PRPSAP1: variants seen among roughly 807,000 people sequenced by gnomAD.
PRPSAP1 encodes the protein phosphoribosyl pyrophosphate synthase-associated protein 1.
A neutral mutation model predicts 39.4 loss-of-function variants in PRPSAP1; 31 were observed. The observed-to-expected ratio is 0.79, with a 90% CI of 0.59 to 1.06. The LOEUF (loss-of-function observed/expected upper bound fraction) is 1.06, where lower values mean the gene tolerates loss of function less well. PRPSAP1 is among the 50% of genes least tolerant of loss of function. The pLI, the probability that PRPSAP1 is intolerant of heterozygous loss-of-function variation, is 0.00. For synonymous variants in PRPSAP1, 212 were observed against 192.6 expected, an observed-to-expected ratio of 1.10 and a Z score of -0.83; for missense variants, 430 against 511.6, an observed-to-expected ratio of 0.84 and a Z score of 1.54.
chr17:76,339,004 G>A (rs1427625630), intron 3 of PRPSAP1, among the ~76,000 whole-genome samples: 1 of 151,674 alleles, frequency 6.6e-6, no homozygotes, highest in African/African-American at 2.4e-5. Context: ...CTGCACTCCA[G>A]CCTGGGCAAC....
intron 3 of PRPSAP1, among the ~76,000 whole-genome samples, chr17:76,340,866 C>T (rs1037304673): frequency 1.4e-5 from 2 of 147,958 alleles, no homozygotes; most frequent in South Asian, 2.2e-4. Context: ...CGCGCCATTG[C>T]ACTCCAGCCT....
chr17:76,341,609 A>G (rs773752336), intron 3 of PRPSAP1, among the ~76,000 whole-genome samples: 8 of 152,206 alleles, frequency 5.3e-5, no homozygotes, highest in Non-Finnish European at 1.2e-4. Context: ...CAATTAGGGT[A>G]GTAAAGAGAC....
rs562842539 is a variant in PRPSAP1 at position 76,351,267 on chromosome 17, A to G, written c.170+2267T>C. Among the ~76,000 whole-genome samples the G allele has an allele frequency of 1.9e-4, 29 of 152,114 alleles. No individual in the cohort carries two copies. The South Asian group carries it at 3.5e-3, about 18-fold the overall frequency. ...CGCGGTGGCTCACGCCTGTAATCCC[A>G]GCACTTTGGGAGGCCGAGGCGAGTG... On this transcript the variant is annotated intron_variant, in intron 1 of 9. Coordinates refer to ENST00000446526, the MANE Select transcript of PRPSAP1 (RefSeq NM_002766.3).
At chr17:76,350,821 T>C (rs1307677594) in intron 1 of PRPSAP1, among the ~76,000 whole-genome samples, 2 of 152,162 alleles carry the variant, frequency 1.3e-5, no homozygotes, top group African/African-American at 4.8e-5. Context: ...TCACCTGAAG[T>C]TGGGAGTTTG....
rs1598513851 is a variant in PRPSAP1 at position 76,311,782 on chromosome 17, T to C, written c.1000-82A>G. 13 of 1,464,338 alleles carry C rather than the reference T, an allele frequency of 8.9e-6. No homozygotes were observed. The East Asian group carries it at 2.2e-4, about 25-fold the overall frequency. The allele number at this position is 1,464,338 out of a possible 1,614,324, so 90.7% of individuals were successfully genotyped here. On this transcript the variant is annotated intron_variant, in intron 9 of 9. Coordinates refer to ENST00000446526, the MANE Select transcript of PRPSAP1 (RefSeq NM_002766.3). ...GTTACACAGAAAAGCTTATCTAACA[T>C]TGAGTTCCCACAGCCTAAGTTCCAA...
At chr17:76,344,623 A>G in intron 3 of PRPSAP1, 48 bp downstream of exon 3, 1 of 1,345,962 alleles carries the variant, frequency 7.4e-7, no homozygotes, top group Non-Finnish European at 1.0e-6. Context: ...AATCAATTAT[A>G]TTGTTAAGGT....
At chr17:76,347,484 CAAAAAAAAAAAA>C (rs71161289) in intron 2 of PRPSAP1, among the ~76,000 whole-genome samples, 8 of 25,220 alleles carry the variant, frequency 3.2e-4, no homozygotes, top group Admixed American at 6.5e-4. Flanking sequence ...AAGACTCCGT[CAAAAAAAAAAAA>C]AAAAAAAAAA....
rs190465396 is a variant in PRPSAP1 at position 76,317,478 on chromosome 17, C to T, written c.782-3587G>A. Among the ~76,000 whole-genome samples the T allele has an allele frequency of 1.7e-3, 260 of 152,142 alleles. 1 individual carries two copies. Among genetic ancestry groups the T allele is most frequent in the African/African-American group, 6.1e-3 (253 of 41,520 alleles). On this transcript the variant is annotated intron_variant, in intron 7 of 9. Coordinates refer to ENST00000446526, the MANE Select transcript of PRPSAP1 (RefSeq NM_002766.3). ...GGTGGAGGATGCAGTGGGCTGAGAT[C>T]GCCCACTGCACTCTAGCCTGGGTGA...
intron 1 of PRPSAP1, among the ~76,000 whole-genome samples, chr17:76,352,785 T>G (rs2071592992): frequency 6.6e-6 from 1 of 152,040 alleles, no homozygotes; most frequent in Admixed American, 6.6e-5. Context: ...TCATACAATA[T>G]TCTCAACCAT....
chr17:76,339,957 C>G (rs566354923), intron 3 of PRPSAP1, among the ~76,000 whole-genome samples: 1 of 151,224 alleles, frequency 6.6e-6, no homozygotes, highest in Non-Finnish European at 1.5e-5. Context: ...CATGGCAAAA[C>G]CCTGTCTCTA....
At chr17:76,335,386 G>A (rs1278709990) in intron 3 of PRPSAP1, among the ~76,000 whole-genome samples, 18 of 151,848 alleles carry the variant, frequency 1.2e-4, no homozygotes, top group Admixed American at 1.2e-3. Context: ...ATGGAAATTC[G>A]TTTTTGTCAC....
Position 76,311,403 on chromosome 17 carries a change from C to T in PRPSAP1, c.*139G>A, listed in dbSNP as rs1480234340. Reference sequence around the variant, plus strand: ...CTTCCTGACTCTTTTAATCCCTCCTCCCCATCAATCCGGGCAAAAGAAGAT... The same window carrying T: ...CTTCCTGACTCTTTTAATCCCTCCTTCCCATCAATCCGGGCAAAAGAAGAT... On this transcript the variant is annotated 3_prime_UTR_variant, in exon 10 of 10. Coordinates refer to ENST00000446526, the MANE Select transcript of PRPSAP1 (RefSeq NM_002766.3). 7 of 896,384 alleles carry T rather than the reference C, an allele frequency of 7.8e-6. No homozygotes were observed. The highest frequency in any genetic ancestry group is 6.3e-5 in the Admixed American group (2 of 31,850). The allele number at this position is 896,384 out of a possible 1,614,324, so 55.5% of individuals were successfully genotyped here.
In PRPSAP1 at chr17:76,333,205, G is replaced by C. The variant is rs1218301461; in HGVS notation, c.291-770C>G. ...AGTTCACTGCAACCTCCGCCTCCCA[G>C]GTTCAGGCAATTCTCCTGGCTCATC... On this transcript the variant is annotated intron_variant, in intron 3 of 9. Coordinates refer to ENST00000446526, the MANE Select transcript of PRPSAP1 (RefSeq NM_002766.3). Among the ~76,000 whole-genome samples the C allele has an allele frequency of 2.0e-5, 3 of 152,156 alleles. No individual in the cohort carries two copies. In the East Asian group the frequency reaches 5.8e-4, roughly 30 times the overall value.
chr17:76,333,679 A>C (rs577977950), intron 3 of PRPSAP1, among the ~76,000 whole-genome samples: 2 of 150,508 alleles, frequency 1.3e-5, no homozygotes, highest in South Asian at 4.2e-4. Flanking sequence ...ACAAAAAAAA[A>C]CCTCCCTGGA....
At chr17:76,335,418 C>T (rs914796916) in intron 3 of PRPSAP1, among the ~76,000 whole-genome samples, 6 of 151,982 alleles carry the variant, frequency 3.9e-5, no homozygotes, top group Non-Finnish European at 8.8e-5. Flanking sequence ...TGTAATGGTG[C>T]GATCTCAGCT....
chr17:76,315,247 G>C (rs548807562), intron 7 of PRPSAP1, among the ~76,000 whole-genome samples: 5 of 152,288 alleles, frequency 3.3e-5, no homozygotes, highest in Admixed American at 3.3e-4. Flanking sequence ...AAACAGAGAA[G>C]AAAAACAAAG....
Position 76,312,879 on chromosome 17 carries a change from G to T in PRPSAP1, c.990C>A (p.Ser330=). The T allele has an allele frequency of 6.2e-7, 1 of 1,612,772 alleles. No homozygotes were observed. Among genetic ancestry groups the T allele is most frequent in the Non-Finnish European group, 8.5e-7 (1 of 1,179,614 alleles). Reference sequence around the variant, plus strand: ...TTAGAAGCAGCCTGACCTCGTCTACGGAGGACTCCTCAATCAGGCGAGGGG... The same window carrying T: ...TTAGAAGCAGCCTGACCTCGTCTACTGAGGACTCCTCAATCAGGCGAGGGG... ...AEAPRLIEES[S]VDEVVVTNTV... Residue 330 remains serine, a synonymous_variant, in exon 9 of 10, where the codon TCC becomes TCA. Coordinates refer to ENST00000446526, the MANE Select transcript of PRPSAP1 (RefSeq NM_002766.3).
chr17:76,333,299 G>A (rs1313667033), intron 3 of PRPSAP1, among the ~76,000 whole-genome samples: 2 of 152,022 alleles, frequency 1.3e-5, no homozygotes, highest in Non-Finnish European at 2.9e-5. Flanking sequence ...TAGTAGAAAC[G>A]GGGTTTCTCC....
chr17:76,328,720 G>A lies in PRPSAP1; in HGVS notation c.778C>T (p.Pro260Ser). The change falls in exon 7 of 10, where the codon CCA becomes TCA. Residue 260 changes from proline to serine, a missense_variant. This residue lies in a region of PRPSAP1 where 278 missense variants were observed against 376.3 expected (regional missense o/e 0.74). Coordinates refer to ENST00000446526, the MANE Select transcript of PRPSAP1 (RefSeq NM_002766.3). The part of the protein sequence containing the change: ...NATVHPGLEL[P>S]LMMAKEKPPI... ...AAAAACACAGAGCTCATCTTACATG[G>A]CAACTCCAGGCCTGGGTGCACAGTA... 2 of 1,613,220 alleles carry A rather than the reference G, an allele frequency of 1.2e-6. No individual in the cohort carries two copies. The highest frequency in any genetic ancestry group is 8.5e-7 in the Non-Finnish European group (1 of 1,179,772).
Sources: allele counts gnomAD v4.1 joint callset (sites outside exome capture counted in the v4.1 genomes callset), GRCh38; gene constraint gnomAD v4.1.1; regional missense constraint gnomAD v4.1.1; transcripts MANE v1.5; gene names NCBI Gene and HGNC (gene_info 2026-07-23, HGNC 2026-07-21).